PRKG1: variants seen among roughly 807,000 people sequenced by gnomAD.
The protein encoded by PRKG1 is protein kinase cGMP-dependent 1.
PRKG1 carries 35 observed loss-of-function variants against 88.1 expected under a neutral mutation model. The ratio of observed to expected loss-of-function variants is 0.40; its 90% CI spans 0.30 to 0.53. PRKG1 has a LOEUF of 0.53. Among genes scored for constraint, PRKG1 ranks in the 20% least tolerant of loss-of-function variants. PRKG1 has a pLI of 0.59. For synonymous variants in PRKG1, 303 were observed against 292.5 expected, an observed-to-expected ratio of 1.04 and a Z score of -0.37; for missense variants, 540 against 839.8, an observed-to-expected ratio of 0.64 and a Z score of 4.41.
chr10:51,142,804 A>G (rs1845850118), intron 1 of PRKG1, among the ~76,000 whole-genome samples: 1 of 152,120 alleles, frequency 6.6e-6, no homozygotes, highest in Non-Finnish European at 1.5e-5. Context: ...GAAATGCTCT[A>G]TGTAGATAAA....
At chr10:52,213,115 T>C (rs1446353742) in intron 9 of PRKG1, among the ~76,000 whole-genome samples, 1 of 152,166 alleles carries the variant, frequency 6.6e-6, no homozygotes, top group East Asian at 1.9e-4. Flanking sequence ...TCAGTCACTA[T>C]GTTATGACAC....
Position 52,290,259 on chromosome 10 carries a change from A to G in PRKG1, c.1931A>G (p.Lys644Arg). The change falls in exon 17 of 18, where the codon AAA becomes AGA. Residue 644 changes from lysine to arginine, a missense_variant. By Grantham distance (26) the Lys-to-Arg change is conservative (BLOSUM62 2). Around this residue, in one of 5 missense-constraint regions of PRKG1, gnomAD observed 97 missense variants for 210.6 expected, o/e 0.46. Coordinates refer to ENST00000373980, the MANE Select transcript of PRKG1 (RefSeq NM_006258.4). The part of the protein sequence containing the change: ...FEGFNWEGLR[K>R]GTLTPPIIPS... ...GGCTTTAACTGGGAAGGCTTAAGAA[A>G]AGGTACCTTGACACCTCCTATAATA... 6.2e-7 allele frequency: 1 copy of G among 1,613,080 alleles called. No individual in the cohort carries two copies. Among genetic ancestry groups the G allele is most frequent in the Non-Finnish European group, 8.5e-7 (1 of 1,179,386 alleles).
intron 2 of PRKG1, among the ~76,000 whole-genome samples, chr10:51,170,163 G>C (rs901955876): frequency 6.6e-6 from 1 of 151,902 alleles, no homozygotes; most frequent in African/African-American, 2.4e-5. Context: ...TCTCCAATTT[G>C]TTAATTCATG....
At chr10:51,323,515 C>T (rs746917486) in intron 2 of PRKG1, among the ~76,000 whole-genome samples, 1 of 152,126 alleles carries the variant, frequency 6.6e-6, no homozygotes, top group African/African-American at 2.4e-5. Context: ...GTAATAACTG[C>T]AATAGATTAA....
rs1842982026 is a variant in PRKG1, at chr10:51,944,527, G to A, written c.762+36957G>A. Among the ~76,000 whole-genome samples the A allele has an allele frequency of 9.9e-5, 15 of 151,978 alleles. No individual in the cohort carries two copies. In the South Asian group the frequency reaches 3.1e-3, roughly 32 times the overall value. On this transcript the variant is annotated intron_variant, in intron 5 of 17. Transcript: ENST00000373980. ...GAATGTGTTTGCTCTTACTTTTCTA[G>A]TTCTTTTAATTATAATGTTAGGGTG... is the stretch of plus-strand genomic sequence containing the variant.
At chr10:51,732,891 A>G (rs1361165786) in intron 3 of PRKG1, among the ~76,000 whole-genome samples, 1 of 152,124 alleles carries the variant, frequency 6.6e-6, no homozygotes, top group Non-Finnish European at 1.5e-5. Context: ...GACTTAAATA[A>G]CATACATTTA....
chr10:51,229,926 C>CAAAAAAAAAAA (rs35300789), intron 2 of PRKG1, among the ~76,000 whole-genome samples: 5 of 33,560 alleles, frequency 1.5e-4, no homozygotes, highest in African/African-American at 4.2e-4. Context: ...GAGGCGATCT[C>CAAAAAAAAAAA]AAAAAAAAAA....
At chr10:51,504,017 A>T (rs1409168692) in intron 3 of PRKG1, among the ~76,000 whole-genome samples, 1 of 152,164 alleles carries the variant, frequency 6.6e-6, no homozygotes, top group African/African-American at 2.4e-5. Context: ...AGACAGAAAG[A>T]TTACAGATTC....
At chr10:51,248,645 A>T (rs1320237180) in intron 2 of PRKG1, among the ~76,000 whole-genome samples, 1 of 151,810 alleles carries the variant, frequency 6.6e-6, no homozygotes, top group Non-Finnish European at 1.5e-5. Context: ...TCTATGGCAA[A>T]CTTTATTGAA....
At chr10:51,983,859 A>G (rs2133114609) in intron 5 of PRKG1, among the ~76,000 whole-genome samples, 1 of 152,350 alleles carries the variant, frequency 6.6e-6, no homozygotes, top group African/African-American at 2.4e-5. Flanking sequence ...GGGGTCAGGA[A>G]CAAGTCCAGG....
chr10:51,321,613 G>A (rs961894767), intron 2 of PRKG1, among the ~76,000 whole-genome samples: 1 of 152,112 alleles, frequency 6.6e-6, no homozygotes, highest in Non-Finnish European at 1.5e-5. Context: ...GTTACCAGAG[G>A]CTGGGAAGGG....
chr10:51,864,961 T>C (rs575786621), intron 4 of PRKG1, among the ~76,000 whole-genome samples: 1 of 152,290 alleles, frequency 6.6e-6, no homozygotes, highest in African/African-American at 2.4e-5. Flanking sequence ...AGGTGTGCTC[T>C]TGATAATTGT....
intron 2 of PRKG1, among the ~76,000 whole-genome samples, chr10:51,272,273 C>T (rs528221142): frequency 1.3e-5 from 2 of 151,870 alleles, no homozygotes; most frequent in South Asian, 4.2e-4. Context: ...TTGTTGAAAA[C>T]CAAACACCAC....
At chr10:51,025,476 A>T (rs1345768949) in intron 1 of PRKG1, among the ~76,000 whole-genome samples, 1 of 152,052 alleles carries the variant, frequency 6.6e-6, no homozygotes, top group Non-Finnish European at 1.5e-5. Context: ...ACTTGTTGAG[A>T]TTCCCCTGGG....
At chr10:51,332,941 A>G (rs1841779298) in intron 2 of PRKG1, among the ~76,000 whole-genome samples, 1 of 152,202 alleles carries the variant, frequency 6.6e-6, no homozygotes, top group African/African-American at 2.4e-5. Flanking sequence ...TAGAGCAGAG[A>G]GTGCTATCTC....
rs553790694 is a variant in PRKG1 at position 51,084,221 on chromosome 10, C to T, written c.311+9320C>T. Among the ~76,000 whole-genome samples, 4 of 152,038 alleles carry T rather than the reference C, an allele frequency of 2.6e-5. No individual in the cohort carries two copies. The East Asian group carries it at 7.8e-4, about 29-fold the overall frequency. On this transcript the variant is annotated intron_variant, in intron 1 of 17. Transcript: ENST00000373980. ...CTTCATGGAGTGCATTTGGTTATTGCGCGTAATTGGGGAGGGATAAGAGGA... is the reference window on the plus strand; with the variant it reads ...CTTCATGGAGTGCATTTGGTTATTGTGCGTAATTGGGGAGGGATAAGAGGA...
chr10:51,757,934 A>G (rs1001903970), intron 3 of PRKG1, among the ~76,000 whole-genome samples: 1 of 152,200 alleles, frequency 6.6e-6, no homozygotes, highest in Non-Finnish European at 1.5e-5. Context: ...TGAGTCTATC[A>G]GTTGCAGCCT....
At chr10:52,021,316 G>A (rs990847455) in intron 5 of PRKG1, among the ~76,000 whole-genome samples, 2 of 152,190 alleles carry the variant, frequency 1.3e-5, no homozygotes, top group African/African-American at 4.8e-5. Flanking sequence ...GTTATGGATG[G>A]ATTTTAAGCA....
intron 9 of PRKG1, among the ~76,000 whole-genome samples, chr10:52,195,638 T>TA (rs1318015737): frequency 1.3e-5 from 2 of 152,230 alleles, no homozygotes; most frequent in Admixed American, 6.5e-5. Flanking sequence ...CTAAGGCTTT[T>TA]AAATTTGTTA....
Sources: gnomAD v4.1 joint callset for allele counts (sites outside exome capture counted in the v4.1 genomes callset) on GRCh38, gnomAD v4.1.1 for gene constraint, gnomAD v4.1.1 regional missense constraint, MANE v1.5 for transcripts, NCBI Gene and HGNC (gene_info 2026-07-23, HGNC 2026-07-21) for gene names.